The following LIN9 variants were observed in gnomAD, a reference collection of about 807,000 sequenced individuals.
The protein encoded by LIN9 is protein lin-9 homolog.
A neutral mutation model predicts 78.0 loss-of-function variants in LIN9; 18 were observed. That is an observed-to-expected ratio of 0.23 (90% confidence interval 0.16 to 0.34). The LOEUF (loss-of-function observed/expected upper bound fraction) is 0.34, where lower values mean the gene tolerates loss of function less well. LIN9 is among the 10% of genes least tolerant of loss of function. The pLI is 1.00. For synonymous variants in LIN9, 192 were observed against 215.2 expected, an observed-to-expected ratio of 0.89 and a Z score of 0.94; for missense variants, 451 against 644.1, an observed-to-expected ratio of 0.70 and a Z score of 3.25.
In LIN9 at chr1:226,261,138, TAA is replaced by T. The variant is rs144773143; in HGVS notation, c.1038+4393_1038+4394del. On this transcript the variant is annotated intron_variant, in intron 10 of 14. Transcript: ENST00000681046. ...GGAATAGACAACGTCCTCAACCTGATAAAAAAAAAAAAAATCTACAAAAAAAC... is the reference window on the plus strand; with the variant it reads ...GGAATAGACAACGTCCTCAACCTGATAAAAAAAAAAAATCTACAAAAAAAC... 1.1e-3 allele frequency among the ~76,000 whole-genome samples: 156 copies of T among 140,934 alleles called. 2 individuals are homozygous for T. The highest frequency in any genetic ancestry group is 3.5e-3 in the African/African-American group (137 of 38,838). 92.5% of individuals were successfully genotyped at this position (140,934 alleles called of 152,430 possible). A position where few individuals can be genotyped will look rare whatever the true frequency, so the allele number is the denominator to read the frequency against.
chr1:226,237,902 G>T (rs1220958819), intron 12 of LIN9, among the ~76,000 whole-genome samples: 1 of 150,560 alleles, frequency 6.6e-6, no homozygotes, highest in Non-Finnish European at 1.5e-5. Flanking sequence ...CCAGTGAGCC[G>T]AGATTGTGCC....
chr1:226,272,633 G>GC (rs1444824679), intron 7 of LIN9, among the ~76,000 whole-genome samples: 1 of 150,300 alleles, frequency 6.7e-6, no homozygotes, highest in Non-Finnish European at 1.5e-5. Context: ...GGCAGGGCTT[G>GC]CATGTCTGAC....
chr1:226,302,074 A>C (rs891238145), intron 1 of LIN9, among the ~76,000 whole-genome samples: 1 of 152,174 alleles, frequency 6.6e-6, no homozygotes, highest in African/African-American at 2.4e-5. Flanking sequence ...GCCTCAAAAA[A>C]ATAAAAAAGA....
At position 226,232,064 on chromosome 1, in the gene LIN9, A is replaced by G; in HGVS notation, c.*437T>C. On this transcript the variant is annotated 3_prime_UTR_variant, in exon 15 of 15. Coordinates refer to ENST00000681046, the MANE Select transcript of LIN9 (RefSeq NM_001366245.2). ...ACTGAGATGGTGATCAACTAAATCA[A>G]GTGGAGTTGTAATTTTCTGGATGGA... The G allele has an allele frequency of 2.5e-6, 1 of 398,720 alleles. No individual in the cohort carries two copies. The highest frequency in any genetic ancestry group is 4.4e-6 in the Non-Finnish European group (1 of 226,046). 24.7% of individuals were successfully genotyped at this position (398,720 alleles called of 1,614,324 possible). A position where few individuals can be genotyped will look rare whatever the true frequency, so the allele number is the denominator to read the frequency against.
At chr1:226,235,549 G>T (rs1427851453) in intron 12 of LIN9, among the ~76,000 whole-genome samples, 1 of 152,082 alleles carries the variant, frequency 6.6e-6, no homozygotes, top group Non-Finnish European at 1.5e-5. Context: ...TACCGGTTGA[G>T]AATCCCAAAT....
intron 8 of LIN9, among the ~76,000 whole-genome samples, chr1:226,267,057 G>C (rs1220037782): frequency 6.6e-6 from 1 of 151,906 alleles, no homozygotes; most frequent in Non-Finnish European, 1.5e-5. Flanking sequence ...TGGGATTATA[G>C]GTGTGAGCAA....
At chr1:226,240,678 C>A (rs930726072) in intron 11 of LIN9, among the ~76,000 whole-genome samples, 1 of 151,894 alleles carries the variant, frequency 6.6e-6, no homozygotes, top group Non-Finnish European at 1.5e-5. Context: ...TGTGAGCCAC[C>A]GCGCCTGGCC....
chr1:226,283,278 AT>A (rs71574569), intron 6 of LIN9, among the ~76,000 whole-genome samples: 261 of 84,194 alleles, frequency 3.1e-3, no homozygotes, highest in Middle Eastern at 9.3e-3. Flanking sequence ...TAATTTTTGA[AT>A]TTTTTTTTTT....
intron 10 of LIN9, among the ~76,000 whole-genome samples, chr1:226,262,956 A>G (rs746927090): frequency 1.8e-4 from 27 of 152,338 alleles, no homozygotes; most frequent in Middle Eastern, 3.4e-3. Context: ...ACTCAATGCT[A>G]AAAAGAAATG....
At chr1:226,309,022 G>T (rs1663106717) in intron 1 of LIN9, 87 bp downstream of exon 1, 5 of 1,260,826 alleles carry the variant, frequency 4.0e-6, no homozygotes, top group Non-Finnish European at 5.1e-6. Context: ...CTGCCCAGCG[G>T]AGGGCACGGC....
intron 5 of LIN9, among the ~76,000 whole-genome samples, chr1:226,287,264 A>G (rs1271646440): frequency 6.6e-6 from 1 of 152,190 alleles, no homozygotes; most frequent in Non-Finnish European, 1.5e-5. Flanking sequence ...TCCAAACTAG[A>G]AAGACTACCC....
At chr1:226,258,894 C>CAAAAAAAAAAAAAAAA (rs770169450) in intron 10 of LIN9, among the ~76,000 whole-genome samples, 3 of 54,776 alleles carry the variant, frequency 5.5e-5, no homozygotes, top group African/African-American at 1.6e-4. Context: ...TCTGTCTCAA[C>CAAAAAAAAAAAAAAAA]AAAAAAAAAA....
chr1:226,252,674 T>TA (rs1037544545), intron 10 of LIN9, among the ~76,000 whole-genome samples: 19 of 151,858 alleles, frequency 1.3e-4, no homozygotes, highest in Non-Finnish European at 2.1e-4. Context: ...TTACGTTGCT[T>TA]AAAAAAAAGA....
Position 226,253,251 on chromosome 1 carries a change from C to CT in LIN9, c.1039-2333dup, listed in dbSNP as rs1658957589. On this transcript the variant is annotated intron_variant, in intron 10 of 14. Coordinates refer to ENST00000681046, the MANE Select transcript of LIN9 (RefSeq NM_001366245.2). ...GCACTCAGCCTGGGTGACAAAGTGA[C>CT]TGAAACCCTGTCTCAAAAAAAAAAA... 3.2e-5 allele frequency among the ~76,000 whole-genome samples: 4 copies of CT among 125,952 alleles called. No homozygotes were observed. In the South Asian group the frequency reaches 9.8e-4, roughly 31 times the overall value. 82.6% of individuals were successfully genotyped at this position (125,952 alleles called of 152,430 possible).
intron 6 of LIN9, among the ~76,000 whole-genome samples, chr1:226,281,716 T>C (rs1661073285): frequency 1.3e-5 from 2 of 151,642 alleles, no homozygotes; most frequent in Admixed American, 1.3e-4. Context: ...TTTTTTGATT[T>C]GGAGTCTCGC....
rs139255250 is a variant in LIN9, at chr1:226,261,927, T to C, written c.1038+3606A>G. Among the ~76,000 whole-genome samples the C allele has an allele frequency of 4.2e-3, 632 of 152,164 alleles. 26 individuals are homozygous for C. In the South Asian group the frequency reaches 0.075, roughly 18 times the overall value. ...GGTAGTGGCAAAGAATAAAATAAAA[T>C]AGATCAATGGAACAGAATAGAGAGC... is the stretch of plus-strand genomic sequence containing the variant. On this transcript the variant is annotated intron_variant, in intron 10 of 14. Transcript: ENST00000681046.
chr1:226,283,356 G>A (rs1661192131), intron 6 of LIN9, among the ~76,000 whole-genome samples: 4 of 140,376 alleles, frequency 2.8e-5, no homozygotes, highest in Admixed American at 1.5e-4. Context: ...GAGTTCCTGA[G>A]CTCAAGTGAT....
At chr1:226,297,031 G>C (rs1662199320) in intron 3 of LIN9, among the ~76,000 whole-genome samples, 2 of 152,050 alleles carry the variant, frequency 1.3e-5, no homozygotes, top group South Asian at 4.1e-4. Flanking sequence ...CCCACTCAGA[G>C]TCTTGATACT....
At chr1:226,281,642 A>C (rs897064077) in intron 6 of LIN9, among the ~76,000 whole-genome samples, 1 of 152,028 alleles carries the variant, frequency 6.6e-6, no homozygotes, top group Non-Finnish European at 1.5e-5. Context: ...TCTTCTTGAC[A>C]TAAGAACCCA....
Sources: gnomAD v4.1 joint callset for allele counts (sites outside exome capture counted in the v4.1 genomes callset) on GRCh38, gnomAD v4.1.1 for gene constraint, MANE v1.5 for transcripts, NCBI Gene and HGNC (gene_info 2026-07-23, HGNC 2026-07-21) for gene names.